ATP2C2: variants seen among roughly 807,000 people sequenced by gnomAD.
ATP2C2 encodes the protein calcium-transporting ATPase type 2C member 2.
Under a neutral mutation model 110.8 loss-of-function variants are expected in ATP2C2, and 171 were observed. The observed-to-expected ratio is 1.54, with a 90% CI of 1.36 to 1.75. The LOEUF is 1.75. Ranked by LOEUF, ATP2C2 falls within the 40% of genes most tolerant of loss-of-function variation. The pLI, the probability that ATP2C2 is intolerant of heterozygous loss-of-function variation, is 0.00. For missense variants in ATP2C2, 1,963 were observed against 1,235.0 expected (o/e 1.59, Z -8.84); for synonymous variants, 804 against 508.4 (o/e 1.58, Z -7.82).
intron 23 of ATP2C2, 84 bp downstream of exon 23, chr16:84,459,470 C>T (rs544764075): frequency 1.2e-6 from 2 of 1,602,304 alleles, no homozygotes; most frequent in East Asian, 2.2e-5. Context: ...TGCCCCAAGG[C>T]TATAGGGATG....
At chr16:84,371,601 G>C (rs1157642132) in intron 1 of ATP2C2, among the ~76,000 whole-genome samples, 2 of 152,244 alleles carry the variant, frequency 1.3e-5, no homozygotes, top group African/African-American at 4.8e-5. Flanking sequence ...GGGTAAGGAA[G>C]AGATTGGAGC....
chr16:84,425,698 G>T, intron 10 of ATP2C2, 37 bp from the exon 11 acceptor site: 2 of 1,603,694 alleles, frequency 1.2e-6, no homozygotes. Context: ...CGTGTGTAGT[G>T]CATATGGAGA....
At chr16:84,438,785 A>G (rs1908973245) in intron 11 of ATP2C2, among the ~76,000 whole-genome samples, 1 of 152,222 alleles carries the variant, frequency 6.6e-6, no homozygotes. Context: ...CCTGGAACCA[A>G]AAACTCTTAA....
intron 6 of ATP2C2, 87 bp downstream of exon 6, chr16:84,410,852 T>A: frequency 7.5e-7 from 1 of 1,340,902 alleles, no homozygotes; most frequent in Non-Finnish European, 1.1e-6. Context: ...GAAAGTTGTA[T>A]CCTTGGTAGT....
At chr16:84,459,469 G>GCT (rs1567465243) in intron 23 of ATP2C2, 83 bp downstream of exon 23, 1 of 1,602,998 alleles carries the variant, frequency 6.2e-7, no homozygotes, top group Admixed American at 1.7e-5. Flanking sequence ...GTGCCCCAAG[G>GCT]CTATAGGGAT....
chr16:84,378,962 T>C (rs552250358), intron 1 of ATP2C2, among the ~76,000 whole-genome samples: 1 of 152,208 alleles, frequency 6.6e-6, no homozygotes, highest in South Asian at 2.1e-4. Context: ...ACCTACTTTT[T>C]TTTTTCAACT....
At position 84,446,345 on chromosome 16, in the gene ATP2C2, T is replaced by C. The variant is rs201595027; in HGVS notation, c.1418T>C (p.Ile473Thr). 9.1e-5 allele frequency: 145 copies of C among 1,589,026 alleles called. No homozygotes were observed. In the African/African-American group the frequency reaches 1.4e-3, roughly 16 times the overall value. Residue 473 changes from isoleucine to threonine, a missense_variant, in exon 16 of 27, where the codon ATT (isoleucine) becomes ACT (threonine). By Grantham distance (89) the Ile-to-Thr change is moderately conservative. Coordinates refer to ENST00000262429, the MANE Select transcript of ATP2C2 (RefSeq NM_014861.4). ...ALAMKMDLSDIKNSYIRKKEI... is the reference protein window; with the variant it reads ...ALAMKMDLSDTKNSYIRKKEI... ...TTATGCTAGATGGACTTAAGTGATA[T>C]TAAAAATTCATATATAAGAAAAAAA...
chr16:84,461,468 G>T, intron 24 of ATP2C2: 1 of 586,474 alleles, frequency 1.7e-6, no homozygotes, highest in Non-Finnish European at 3.0e-6. Flanking sequence ...GGAGGAAGTG[G>T]TGTTTCCTCC....
intron 1 of ATP2C2, among the ~76,000 whole-genome samples, chr16:84,383,877 A>T (rs1484833085): frequency 6.8e-6 from 1 of 147,068 alleles, no homozygotes; most frequent in African/African-American, 2.5e-5. Flanking sequence ...GCAGCATCCA[A>T]CTCTCAGGCT....
At chr16:84,409,128 G>T (rs1169302323) in intron 4 of ATP2C2, among the ~76,000 whole-genome samples, 1 of 152,130 alleles carries the variant, frequency 6.6e-6, no homozygotes, top group Non-Finnish European at 1.5e-5. Flanking sequence ...GATTCAGACG[G>T]ATGAGTTCAT....
At chr16:84,430,512 G>A (rs1025645196) in intron 11 of ATP2C2, among the ~76,000 whole-genome samples, 3 of 152,128 alleles carry the variant, frequency 2.0e-5, no homozygotes, top group Admixed American at 1.3e-4. Context: ...GTGGTGGCAC[G>A]TGCCTATAAT....
chr16:84,378,251 G>T (rs752386003), intron 1 of ATP2C2, among the ~76,000 whole-genome samples: 1 of 152,204 alleles, frequency 6.6e-6, no homozygotes, highest in Non-Finnish European at 1.5e-5. Flanking sequence ...GGCTCTGGGC[G>T]TAGGGGAAGG....
Position 84,410,743 on chromosome 16 carries a change from C to A in ATP2C2, c.493C>A (p.Leu165Met), listed in dbSNP as rs247818. 6.7e-4 allele frequency: 1,081 copies of A among 1,614,166 alleles called. 11 individuals are homozygous for A. The African/African-American group carries it at 0.012, about 17-fold the overall frequency. The change falls in exon 6 of 27, where the codon CTG becomes ATG. Residue 165 changes from leucine to methionine, a missense_variant. Leu to Met is a conservative substitution (Grantham distance 15). Transcript: ENST00000262429. ...SEKSLEELTK[L>M]VPPECNCLRE... ...GAAATCTCTGGAAGAGCTGACCAAG[C>A]TGGTTCCTCCAGAATGTAACTGGTA...
Position 84,394,627 on chromosome 16 carries a change from C to T in ATP2C2, c.100-3872C>T, listed in dbSNP as rs566723034. ...GTCAAAACTCAAGGAGTCAGGAGGG[C>T]TGTGCTCTCTCTGGAGGCTCCAGGG... On this transcript the variant is annotated intron_variant, in intron 1 of 26. Transcript: ENST00000262429. Among the ~76,000 whole-genome samples the T allele has an allele frequency of 2.6e-5, 4 of 152,216 alleles. No individual in the cohort carries two copies. The South Asian group carries it at 8.3e-4, about 32-fold the overall frequency.
chr16:84,437,823 T>C (rs1297944759), intron 11 of ATP2C2, among the ~76,000 whole-genome samples: 1 of 152,218 alleles, frequency 6.6e-6, no homozygotes, highest in Non-Finnish European at 1.5e-5. Flanking sequence ...GCCTAGAACA[T>C]TTTCTTATCG....
chr16:84,406,918 G>A (rs1355774947), intron 3 of ATP2C2, among the ~76,000 whole-genome samples: 1 of 152,016 alleles, frequency 6.6e-6, no homozygotes, highest in African/African-American at 2.4e-5. Flanking sequence ...TTCTCACCAA[G>A]GATCCTCCTC....
At chr16:84,391,650 A>G (rs1567690860) in intron 1 of ATP2C2, among the ~76,000 whole-genome samples, 1 of 152,192 alleles carries the variant, frequency 6.6e-6, no homozygotes, top group Non-Finnish European at 1.5e-5. Flanking sequence ...ACCGCCAGAA[A>G]CTGGGAGAGG....
intron 1 of ATP2C2, among the ~76,000 whole-genome samples, chr16:84,397,862 G>C (rs1462163963): frequency 2.6e-5 from 4 of 151,706 alleles, no homozygotes; most frequent in Non-Finnish European, 5.9e-5. Context: ...TTGAGTGAAA[G>C]AAATCAGACA....
rs534334655 is a variant in ATP2C2, at chr16:84,463,470, A to G, written c.2723-144A>G. On this transcript the variant is annotated intron_variant, in intron 26 of 26. Transcript: ENST00000262429. ...CAGCATTTTGGATTCTGGGTTAGGA[A>G]GATCTCCCTGCCTTCAGGGGAATGA... 242 of 686,164 alleles carry G rather than the reference A, an allele frequency of 3.5e-4. 2 individuals are homozygous for G. In the East Asian group the frequency reaches 6.6e-3, roughly 19 times the overall value. The allele number at this position is 686,164 out of a possible 1,614,324, so 42.5% of individuals were successfully genotyped here. A position where few individuals can be genotyped will look rare whatever the true frequency, so the allele number is the denominator to read the frequency against.
Sources: gnomAD v4.1 joint callset for allele counts (sites outside exome capture counted in the v4.1 genomes callset) on GRCh38, gnomAD v4.1.1 for gene constraint, MANE v1.5 for transcripts, NCBI Gene and HGNC (gene_info 2026-07-23, HGNC 2026-07-21) for gene names.